PARD3B: variants seen among roughly 807,000 people sequenced by gnomAD.
PARD3B encodes par-3 family cell polarity regulator beta, also known as partitioning defective 3 homolog B.
In PARD3B, 103 loss-of-function variants were observed where a neutral mutation model predicts 130.2. The observed-to-expected ratio is 0.79, with a 90% CI of 0.67 to 0.93. The LOEUF is 0.93. Ranked by LOEUF, PARD3B falls within the 40% of genes least tolerant of loss-of-function variation. The pLI is 0.00. For synonymous variants in PARD3B, 583 were observed against 553.2 expected, an observed-to-expected ratio of 1.05 and a Z score of -0.76; for missense variants, 1,609 against 1,499.2, an observed-to-expected ratio of 1.07 and a Z score of -1.21.
chr2:204,902,294 A>C (rs1376234429), intron 2 of PARD3B, among the ~76,000 whole-genome samples: 1 of 152,144 alleles, frequency 6.6e-6, no homozygotes, highest in Admixed American at 6.6e-5. Flanking sequence ...TAGGGGTTAA[A>C]GTTGAGACTC....
intron 4 of PARD3B, among the ~76,000 whole-genome samples, chr2:205,081,646 ATC>A (rs1559418839): frequency 6.6e-6 from 1 of 151,998 alleles, no homozygotes; most frequent in African/African-American, 2.4e-5. Flanking sequence ...TTTTTTCTAC[ATC>A]TGTTTCTTTT....
At chr2:205,448,815 C>T (rs571568432) in intron 20 of PARD3B, among the ~76,000 whole-genome samples, 2 of 152,102 alleles carry the variant, frequency 1.3e-5, no homozygotes, top group Non-Finnish European at 2.9e-5. Context: ...TTAGTGATAA[C>T]GAGGTACACC....
intron 3 of PARD3B, among the ~76,000 whole-genome samples, chr2:205,019,869 G>A (rs1162366363): frequency 6.6e-6 from 1 of 152,116 alleles, no homozygotes; most frequent in East Asian, 1.9e-4. Context: ...AGAGAATAGG[G>A]CATGGCAGAG....
At position 205,172,305 on chromosome 2, in the gene PARD3B, G is replaced by C. The variant is rs201248681; in HGVS notation, c.1715G>C (p.Arg572Pro). 1.2e-6 allele frequency: 2 copies of C among 1,614,094 alleles called. No individual in the cohort carries two copies. Among genetic ancestry groups the C allele is most frequent in the East Asian group, 2.2e-5 (1 of 44,864 alleles). The change falls in exon 12 of 23, where the codon CGG (arginine) becomes CCG (proline). Residue 572 changes from arginine to proline, a missense_variant. Coordinates refer to ENST00000406610, the MANE Select transcript of PARD3B (RefSeq NM_001302769.2). ...SNHEAMETLR[R>P]SMSMEGNIRG... is the part of the protein sequence containing the mutation. ...CACGAAGCTATGGAAACACTTAGGC[G>C]GTCAATGTCCATGGAGGGAAACATC...
intron 15 of PARD3B, among the ~76,000 whole-genome samples, chr2:205,216,776 G>A (rs1213096708): frequency 2.0e-5 from 3 of 152,110 alleles, no homozygotes; most frequent in Admixed American, 1.3e-4. Context: ...CATTAGCTAC[G>A]AGCACATTCC....
At chr2:204,698,562 G>A (rs2037728513) in intron 2 of PARD3B, among the ~76,000 whole-genome samples, 2 of 150,580 alleles carry the variant, frequency 1.3e-5, no homozygotes, top group Non-Finnish European at 3.0e-5. Flanking sequence ...TTTTTTTTCT[G>A]GAAGAAATAA....
intron 2 of PARD3B, among the ~76,000 whole-genome samples, chr2:204,788,203 C>T (rs943604477): frequency 6.6e-6 from 1 of 152,110 alleles, no homozygotes; most frequent in African/African-American, 2.4e-5. Context: ...AGGCAAACAC[C>T]CTTAACAGGG....
chr2:205,575,059 A>G lies in PARD3B; in HGVS notation c.3260+21656A>G, dbSNP rs2078011. On this transcript the variant is annotated intron_variant, in intron 22 of 22. Transcript: ENST00000406610. The surrounding 1 kb of genome is among the most constrained non-coding windows in gnomAD (Gnocchi z 4.6). ...CAAAGCAAGGCATGATCCACATCAA[A>G]ATACATTATATACACATTTAAATAG... Among the ~76,000 whole-genome samples the G allele has an allele frequency of 0.96, 144,853 of 150,456 alleles. 69,982 individuals carry two copies. The highest frequency in any genetic ancestry group is 1 in the East Asian group (5,112 of 5,112).
intron 10 of PARD3B, among the ~76,000 whole-genome samples, chr2:205,143,063 A>C (rs2033099215): frequency 6.6e-6 from 1 of 152,176 alleles, no homozygotes; most frequent in South Asian, 2.1e-4. Context: ...ATGTGCTGAG[A>C]CATAAAGCAT....
chr2:205,493,183 G>A (rs1319769676), intron 20 of PARD3B, among the ~76,000 whole-genome samples: 1 of 151,956 alleles, frequency 6.6e-6, no homozygotes, highest in Admixed American at 6.6e-5. Flanking sequence ...AATCTCAGGT[G>A]TTTTAGAAGT....
intron 18 of PARD3B, among the ~76,000 whole-genome samples, chr2:205,308,389 G>C (rs1559645606): frequency 6.6e-6 from 1 of 151,992 alleles, no homozygotes; most frequent in South Asian, 2.1e-4. Context: ...GGCAGATCAC[G>C]AGGTCAGGAG....
intron 13 of PARD3B, among the ~76,000 whole-genome samples, chr2:205,184,630 T>C (rs997679483): frequency 1.3e-5 from 2 of 151,900 alleles, no homozygotes; most frequent in African/African-American, 4.8e-5. Context: ...TAGTTCCAGC[T>C]ATTCGGGAGG....
intron 2 of PARD3B, among the ~76,000 whole-genome samples, chr2:204,727,899 T>C (rs574996320): frequency 1.3e-5 from 2 of 152,240 alleles, no homozygotes; most frequent in African/African-American, 4.8e-5. Flanking sequence ...GACCACTCAG[T>C]GGTCAGTGGT....
chr2:204,579,264 G>T (rs1041464092), intron 1 of PARD3B, among the ~76,000 whole-genome samples: 1 of 152,014 alleles, frequency 6.6e-6, no homozygotes, highest in Non-Finnish European at 1.5e-5. Flanking sequence ...ATCTCATGGG[G>T]TTGGTATTAT....
intron 4 of PARD3B, among the ~76,000 whole-genome samples, chr2:205,067,539 TTTA>T (rs1290287776): frequency 6.6e-6 from 1 of 152,156 alleles, no homozygotes; most frequent in Non-Finnish European, 1.5e-5. Flanking sequence ...TCAATTTTCT[TTTA>T]TTATTATAGT....
chr2:204,974,323 G>A (rs551359523), intron 3 of PARD3B, among the ~76,000 whole-genome samples: 79 of 152,178 alleles, frequency 5.2e-4, no homozygotes, highest in African/African-American at 1.8e-3. Context: ...TGTAGAATAC[G>A]GTGTGATCGG....
intron 18 of PARD3B, among the ~76,000 whole-genome samples, chr2:205,388,970 A>G (rs1351855395): frequency 6.6e-6 from 1 of 152,212 alleles, no homozygotes; most frequent in Non-Finnish European, 1.5e-5. Context: ...AACTCAAAGG[A>G]GAAGCTAAGG....
intron 18 of PARD3B, among the ~76,000 whole-genome samples, chr2:205,303,592 C>G (rs953422524): frequency 2.0e-5 from 3 of 152,160 alleles, no homozygotes; most frequent in Admixed American, 1.3e-4. Context: ...CTGTACCGCT[C>G]CTCCTCACCC....
intron 19 of PARD3B, among the ~76,000 whole-genome samples, chr2:205,426,399 T>G (rs1204371904): frequency 6.6e-6 from 1 of 152,176 alleles, no homozygotes; most frequent in Non-Finnish European, 1.5e-5. Flanking sequence ...TATAGTGACC[T>G]AATTGTAGCT....
Sources: gnomAD v4.1 joint callset for allele counts (sites outside exome capture counted in the v4.1 genomes callset) on GRCh38, gnomAD v4.1.1 for gene constraint, Gnocchi (gnomAD v3.1) non-coding constraint, MANE v1.5 for transcripts, NCBI Gene and HGNC (gene_info 2026-07-23, HGNC 2026-07-21) for gene names.